TLN2: variants seen among roughly 807,000 people sequenced by gnomAD.
The protein encoded by TLN2 is talin-2.
In TLN2, 118 loss-of-function variants were observed where a neutral mutation model predicts 294.7. The observed-to-expected ratio is 0.40, with a 90% CI of 0.34 to 0.47. The LOEUF is 0.47. Ranked by LOEUF, TLN2 falls within the 20% of genes least tolerant of loss-of-function variation. The pLI is 0.84. For synonymous variants in TLN2, 1,431 were observed against 1,304.5 expected (o/e 1.10, Z -2.09); for missense variants, 3,083 against 3,282.2 (o/e 0.94, Z 1.48).
chr15:62,674,525 T>TC (rs397737059), intron 10 of TLN2, among the ~76,000 whole-genome samples: 1 of 151,534 alleles, frequency 6.6e-6, no homozygotes, highest in Non-Finnish European at 1.5e-5. Context: ...TTTTTTTTTT[T>TC]GAGACAGAGC....
At chr15:62,557,453 A>C (rs141728810) in intron 1 of TLN2, among the ~76,000 whole-genome samples, 25 of 152,352 alleles carry the variant, frequency 1.6e-4, no homozygotes, top group Admixed American at 3.9e-4. Context: ...GCACTTTTAC[A>C]TGGCAGGGGT....
intron 54 of TLN2, chr15:62,832,851 T>C (rs940919214): frequency 1.3e-5 from 2 of 151,946 alleles, no homozygotes; most frequent in Non-Finnish European, 2.9e-5. Context: ...TTTTTTTTTT[T>C]AAAGTCCATT....
chr15:62,537,305 G>A (rs1307572026), intron 1 of TLN2, among the ~76,000 whole-genome samples: 2 of 152,032 alleles, frequency 1.3e-5, no homozygotes, highest in African/African-American at 2.4e-5. Context: ...ATGAGCCACC[G>A]CGCCCGGCCT....
At chr15:62,824,480 C>T (rs1769662296) in intron 54 of TLN2, among the ~76,000 whole-genome samples, 2 of 152,344 alleles carry the variant, frequency 1.3e-5, no homozygotes, top group South Asian at 2.1e-4. Context: ...TTTTCTATGA[C>T]TTCCCTTTCC....
chr15:62,496,375 C>T (rs2039016921), intron 1 of TLN2, among the ~76,000 whole-genome samples: 1 of 147,246 alleles, frequency 6.8e-6, no homozygotes, highest in Non-Finnish European at 1.5e-5. Flanking sequence ...TACACGGAAC[C>T]ACATCTCCTA....
intron 1 of TLN2, among the ~76,000 whole-genome samples, chr15:62,478,554 T>C (rs1010454983): frequency 6.6e-6 from 1 of 152,080 alleles, no homozygotes; most frequent in African/African-American, 2.4e-5. Flanking sequence ...TCTGCCCACC[T>C]CCGCCAGGCT....
At chr15:62,689,476 T>C (rs1005881615) in intron 12 of TLN2, among the ~76,000 whole-genome samples, 42 of 152,186 alleles carry the variant, frequency 2.8e-4, no homozygotes, top group African/African-American at 9.9e-4. Context: ...TACCCCATTG[T>C]TCTTCTTGCC....
chr15:62,675,461 G>A (rs145326131), intron 11 of TLN2, 140 bp downstream of exon 11: 14 of 783,120 alleles, frequency 1.8e-5, no homozygotes, highest in Admixed American at 5.1e-5. Flanking sequence ...GCTGACCTGC[G>A]TTTAGCTGCC....
chr15:62,722,136 A>C (rs1300428847), intron 25 of TLN2, among the ~76,000 whole-genome samples: 1 of 151,670 alleles, frequency 6.6e-6, no homozygotes, highest in African/African-American at 2.4e-5. Context: ...CCTCCATGAC[A>C]CCTCCTTTTT....
chr15:62,761,072 A>C (rs1258994268), intron 37 of TLN2, among the ~76,000 whole-genome samples: 2 of 152,168 alleles, frequency 1.3e-5, no homozygotes, highest in African/African-American at 4.8e-5. Context: ...GTTTTGTTAA[A>C]TATGATGTTT....
chr15:62,569,091 C>T (rs1362405044), intron 1 of TLN2, among the ~76,000 whole-genome samples: 5 of 152,160 alleles, frequency 3.3e-5, no homozygotes, highest in South Asian at 2.1e-4. Flanking sequence ...TGTGTCACGC[C>T]GCACTCTGCC....
rs141048163 is a variant in TLN2, at chr15:62,734,758, G to C, written c.3359-2120G>C. Among the ~76,000 whole-genome samples the C allele has an allele frequency of 2.6e-3, 389 of 152,328 alleles. 2 individuals are homozygous for C. Among genetic ancestry groups the C allele is most frequent in the Non-Finnish European group, 3.8e-3 (256 of 68,024 alleles). ...GATTAGATCGTAGTTTTATATCCCA[G>C]CTGTGTGATTTACTAAATATTTACA... On this transcript the variant is annotated intron_variant, in intron 28 of 58. Coordinates refer to ENST00000636159, the MANE Select transcript of TLN2 (RefSeq NM_015059.3).
intron 1 of TLN2, among the ~76,000 whole-genome samples, chr15:62,490,287 ATTTG>A (rs965824094): frequency 9.9e-5 from 15 of 152,234 alleles, no homozygotes; most frequent in African/African-American, 3.4e-4. Flanking sequence ...TTATGGATTC[ATTTG>A]TTTATGAATT....
intron 3 of TLN2, among the ~76,000 whole-genome samples, chr15:62,642,030 C>T (rs113098133): frequency 0.011 from 1,711 of 152,306 alleles, 32 homozygotes; most frequent in South Asian, 0.053. Context: ...TATATTTTAA[C>T]AGGACAATGT....
At chr15:62,667,850 G>A (rs8034231) in intron 9 of TLN2, among the ~76,000 whole-genome samples, 134,324 of 152,282 alleles carry the variant, frequency 0.88, 61,431 homozygotes, top group Non-Finnish European at 1. Context: ...TGTACACACA[G>A]TGAAATAATA....
At chr15:62,788,675 G>A (rs922786752) in intron 45 of TLN2, among the ~76,000 whole-genome samples, 1 of 152,180 alleles carries the variant, frequency 6.6e-6, no homozygotes, top group Admixed American at 6.5e-5. Flanking sequence ...TGGAATAAGC[G>A]AATGTTCCAA....
At chr15:62,764,945 T>C (rs1010386145) in intron 40 of TLN2, among the ~76,000 whole-genome samples, 1 of 144,934 alleles carries the variant, frequency 6.9e-6, no homozygotes, top group Non-Finnish European at 1.5e-5. Context: ...CCCTTAAGCC[T>C]GGGACAACAG....
At chr15:62,668,186 G>C (rs554251111) in intron 9 of TLN2, among the ~76,000 whole-genome samples, 1 of 152,064 alleles carries the variant, frequency 6.6e-6, no homozygotes, top group African/African-American at 2.4e-5. Context: ...AATTTGCAAA[G>C]AGTAAATTTT....
chr15:62,663,853 C>T (rs993731938), intron 9 of TLN2, among the ~76,000 whole-genome samples: 1 of 151,940 alleles, frequency 6.6e-6, no homozygotes, highest in African/African-American at 2.4e-5. Flanking sequence ...TCTACCCAAA[C>T]TTACAGATTC....
Sources: gnomAD v4.1 joint callset for allele counts (sites outside exome capture counted in the v4.1 genomes callset) on GRCh38, gnomAD v4.1.1 for gene constraint, MANE v1.5 for transcripts, NCBI Gene and HGNC (gene_info 2026-07-23, HGNC 2026-07-21) for gene names.